LEPR: variants seen among roughly 807,000 people sequenced by gnomAD.
LEPR encodes OB receptor.
LEPR carries 56 observed loss-of-function variants against 114.7 expected under a neutral mutation model. The ratio of observed to expected loss-of-function variants is 0.49; its 90% CI spans 0.39 to 0.61. The LOEUF is 0.61. Among genes scored for constraint, LEPR ranks in the 20% least tolerant of loss-of-function variants. The pLI is 0.00. For synonymous variants in LEPR, 443 were observed against 461.4 expected (o/e 0.96, Z 0.51); for missense variants, 1,202 against 1,352.9 (o/e 0.89, Z 1.75).
chr1:65,468,833 G>T (rs1465450559), intron 2 of LEPR, among the ~76,000 whole-genome samples: 2 of 152,200 alleles, frequency 1.3e-5, no homozygotes, highest in Non-Finnish European at 2.9e-5. Context: ...GTCTAAATGA[G>T]CAAAGCAAGT....
intron 2 of LEPR, among the ~76,000 whole-genome samples, chr1:65,507,564 A>G (rs1474008134): frequency 6.8e-6 from 1 of 147,660 alleles, no homozygotes; most frequent in Admixed American, 6.8e-5. Flanking sequence ...CACACACACA[A>G]CATTAAAAAA....
At chr1:65,487,481 C>T (rs535766579) in intron 2 of LEPR, among the ~76,000 whole-genome samples, 3 of 151,878 alleles carry the variant, frequency 2.0e-5, no homozygotes, top group South Asian at 2.1e-4. Context: ...TTTATATATA[C>T]ATTTATATGC....
intron 5 of LEPR, among the ~76,000 whole-genome samples, chr1:65,591,757 AT>A (rs1156907291): frequency 6.6e-6 from 1 of 151,886 alleles, no homozygotes; most frequent in East Asian, 1.9e-4. Flanking sequence ...GGTCTTTTTA[AT>A]CCAGCATGAT....
At chr1:65,430,772 G>A (rs1369529864) in intron 2 of LEPR, among the ~76,000 whole-genome samples, 1 of 151,682 alleles carries the variant, frequency 6.6e-6, no homozygotes, top group Admixed American at 6.6e-5. Context: ...CTGCTCCTGA[G>A]GAACACAGAA....
chr1:65,479,282 T>TAGC (rs201270088), intron 2 of LEPR, among the ~76,000 whole-genome samples: 12 of 152,024 alleles, frequency 7.9e-5, no homozygotes, highest in Admixed American at 2.0e-4. Context: ...TTTTTTACAA[T>TAGC]AGCAGCAGCA....
intron 2 of LEPR, chr1:65,430,150 T>A: frequency 9.7e-7 from 1 of 1,032,880 alleles, no homozygotes; most frequent in Non-Finnish European, 1.3e-6. Context: ...GGCTTTATAC[T>A]CAAGGCCGTG....
chr1:65,526,917 T>C (rs749313150), intron 2 of LEPR, among the ~76,000 whole-genome samples: 13 of 152,254 alleles, frequency 8.5e-5, no homozygotes, highest in Non-Finnish European at 1.8e-4. Context: ...TATATGCATT[T>C]ATGACTTAGG....
chr1:65,565,737 AT>A, intron 3 of LEPR, 132 bp downstream of exon 3: 2 of 1,223,220 alleles, frequency 1.6e-6, no homozygotes, highest in Non-Finnish European at 2.4e-6. Context: ...CATGCTTATG[AT>A]TAAAAATGCA....
At position 65,636,954 on chromosome 1, in the gene LEPR, A is replaced by T. The variant is rs779463781; in HGVS notation, c.3437A>T (p.Gln1146Leu). 1.9e-6 allele frequency: 3 copies of T among 1,610,108 alleles called. No individual in the cohort carries two copies. The highest frequency in any genetic ancestry group is 4.5e-5 in the East Asian group (2 of 44,870). Reference sequence around the variant, plus strand: ...TTTGCATCTTACATGCCTCAATTCCAAACTTGTTCTACTCAGACTCATAAG... The same window carrying T: ...TTTGCATCTTACATGCCTCAATTCCTAACTTGTTCTACTCAGACTCATAAG... ...KTFASYMPQFQTCSTQTHKIM... is the reference protein window; with the variant it reads ...KTFASYMPQFLTCSTQTHKIM... The change falls in exon 20 of 20, where the codon CAA (glutamine) becomes CTA (leucine). Residue 1146 changes from glutamine (Q) to leucine (L), a missense_variant. Gln to Leu is a moderately radical substitution (Grantham distance 113). Coordinates refer to ENST00000349533, the MANE Select transcript of LEPR (RefSeq NM_002303.6).
intron 2 of LEPR, among the ~76,000 whole-genome samples, chr1:65,502,785 A>T (rs925363805): frequency 6.6e-6 from 1 of 151,268 alleles, no homozygotes; most frequent in African/African-American, 2.4e-5. Flanking sequence ...CTGATTTGGG[A>T]TTGTGTCTGA....
At chr1:65,586,070 A>G (rs1655295472) in intron 5 of LEPR, among the ~76,000 whole-genome samples, 1 of 152,062 alleles carries the variant, frequency 6.6e-6, no homozygotes, top group Non-Finnish European at 1.5e-5. Context: ...CATGGTTACT[A>G]TGGTCTTTAT....
chr1:65,534,764 A>G (rs1052664757), intron 2 of LEPR, among the ~76,000 whole-genome samples: 1 of 152,098 alleles, frequency 6.6e-6, no homozygotes, highest in Non-Finnish European at 1.5e-5. Flanking sequence ...TGTTTTATCT[A>G]TTTTCACTAG....
intron 19 of LEPR, among the ~76,000 whole-genome samples, chr1:65,627,347 C>T (rs7546242): frequency 0.44 from 66,322 of 152,012 alleles, 15,186 homozygotes; most frequent in East Asian, 0.87. Flanking sequence ...AAAGAAGATA[C>T]ACAAATAGCC....
At chr1:65,501,760 G>A (rs953033557) in intron 2 of LEPR, among the ~76,000 whole-genome samples, 1 of 152,052 alleles carries the variant, frequency 6.6e-6, no homozygotes, top group East Asian at 1.9e-4. Flanking sequence ...AAATTTGGCA[G>A]TGTCAAATAT....
chr1:65,427,435 G>C (rs1002863074), intron 2 of LEPR, among the ~76,000 whole-genome samples: 2 of 152,152 alleles, frequency 1.3e-5, no homozygotes, highest in Admixed American at 1.3e-4. Flanking sequence ...GCCAGGCATG[G>C]TGCCTGTAGC....
intron 2 of LEPR, among the ~76,000 whole-genome samples, chr1:65,492,377 T>C (rs1013064681): frequency 2.0e-5 from 3 of 152,134 alleles, no homozygotes; most frequent in Admixed American, 1.3e-4. Flanking sequence ...CTTTTCCTTA[T>C]TATGCGTGAA....
intron 2 of LEPR, among the ~76,000 whole-genome samples, chr1:65,488,368 C>A (rs555320079): frequency 6.8e-6 from 1 of 147,212 alleles, no homozygotes; most frequent in Non-Finnish European, 1.5e-5. Flanking sequence ...ATTCCATCAC[C>A]CTGGCTGGAG....
At chr1:65,581,284 T>C (rs1236311621) in intron 5 of LEPR, among the ~76,000 whole-genome samples, 1 of 152,110 alleles carries the variant, frequency 6.6e-6, no homozygotes, top group Admixed American at 6.6e-5. Context: ...TTCCCTCTAC[T>C]ACTCAACTTC....
chr1:65,592,547 G>A (rs1655778853), intron 5 of LEPR, 110 bp from the exon 6 acceptor site: 2 of 1,108,440 alleles, frequency 1.8e-6, no homozygotes, highest in African/African-American at 1.6e-5. Flanking sequence ...TACCCTTTAA[G>A]CTGGGTGTCC....
Sources: allele counts gnomAD v4.1 joint callset (sites outside exome capture counted in the v4.1 genomes callset), GRCh38; gene constraint gnomAD v4.1.1; transcripts MANE v1.5; gene names NCBI Gene and HGNC (gene_info 2026-07-23, HGNC 2026-07-21).